TMEM161B: variants seen among roughly 807,000 people sequenced by gnomAD.
TMEM161B encodes transmembrane protein 161B.
A neutral mutation model predicts 61.8 loss-of-function variants in TMEM161B; 34 were observed. The ratio of observed to expected loss-of-function variants is 0.55; its 90% CI spans 0.42 to 0.73. The LOEUF (loss-of-function observed/expected upper bound fraction) is 0.73, where lower values mean the gene tolerates loss of function less well. TMEM161B is among the 30% of genes least tolerant of loss of function. The pLI is 0.00. For synonymous variants in TMEM161B, 167 were observed against 192.8 expected, an observed-to-expected ratio of 0.87 and a Z score of 1.11; for missense variants, 456 against 558.5, an observed-to-expected ratio of 0.82 and a Z score of 1.85.
chr5:88,188,051 T>C (rs1332056750), downstream of TMEM161B, among the ~76,000 whole-genome samples: 1 of 152,188 alleles, frequency 6.6e-6, no homozygotes, highest in Non-Finnish European at 1.5e-5. Context: ...CTCTTTCTTA[T>C]CATTTCTAGC....
intron 10 of TMEM161B, 34 bp from the exon 11 acceptor site, chr5:88,197,799 A>T: frequency 6.4e-7 from 1 of 1,564,222 alleles, no homozygotes; most frequent in Non-Finnish European, 8.8e-7. Context: ...TGTCTAATGC[A>T]ACTGACATGT....
At chr5:88,262,931 C>T (rs1755865011) in intron 1 of TMEM161B, among the ~76,000 whole-genome samples, 1 of 152,004 alleles carries the variant, frequency 6.6e-6, no homozygotes, top group South Asian at 2.1e-4. Flanking sequence ...TTTAATGCAA[C>T]ACAAAAATAA....
chr5:88,197,364 T>A (rs1357288166), intron 11 of TMEM161B, among the ~76,000 whole-genome samples: 1 of 152,164 alleles, frequency 6.6e-6, no homozygotes, highest in African/African-American at 2.4e-5. Flanking sequence ...CCTTAAATCA[T>A]CCTCTTATAA....
At chr5:88,235,097 A>G (rs1246010744) in intron 2 of TMEM161B, among the ~76,000 whole-genome samples, 3 of 152,228 alleles carry the variant, frequency 2.0e-5, no homozygotes, top group African/African-American at 7.2e-5. Context: ...CTAATATAAA[A>G]TATTATCAGA....
intron 4 of TMEM161B, among the ~76,000 whole-genome samples, chr5:88,223,900 A>C (rs1265685007): frequency 6.6e-6 from 1 of 152,094 alleles, no homozygotes. Flanking sequence ...AAAAAAATAA[A>C]AAAAAAAAAC....
chr5:88,191,626 T>C (rs1748863980), downstream of TMEM161B, among the ~76,000 whole-genome samples: 1 of 152,114 alleles, frequency 6.6e-6, no homozygotes, highest in African/African-American at 2.4e-5. Context: ...AGCTGTATGT[T>C]TTTCTCATAA....
intron 5 of TMEM161B, among the ~76,000 whole-genome samples, chr5:88,216,301 T>TA (rs956575555): frequency 2.0e-5 from 3 of 151,970 alleles, no homozygotes; most frequent in Admixed American, 6.6e-5. Flanking sequence ...CACTGAAATC[T>TA]AAAAAAAAGT....
chr5:88,228,598 A>G lies in TMEM161B; in HGVS notation c.108-70T>C, dbSNP rs1267985288. 6 of 1,122,870 alleles carry G rather than the reference A, an allele frequency of 5.3e-6. No homozygotes were observed. In the African/African-American group the frequency reaches 8.0e-5, roughly 15 times the overall value. The allele number at this position is 1,122,870 out of a possible 1,614,324, so 69.6% of individuals were successfully genotyped here. On this transcript the variant is annotated intron_variant, in intron 2 of 11. Coordinates refer to ENST00000296595, the MANE Select transcript of TMEM161B (RefSeq NM_153354.5). ...CAGAATTATTCTTCATCCTATAAATATTTATTAAGTTTCATATTTGTGAAG... is the reference window on the plus strand; with the variant it reads ...CAGAATTATTCTTCATCCTATAAATGTTTATTAAGTTTCATATTTGTGAAG...
chr5:88,230,991 G>A (rs370450040), intron 2 of TMEM161B, among the ~76,000 whole-genome samples: 2 of 151,954 alleles, frequency 1.3e-5, no homozygotes, highest in Admixed American at 6.6e-5. Context: ...AATCAATTTC[G>A]TATCAATGAC....
intron 2 of TMEM161B, among the ~76,000 whole-genome samples, chr5:88,235,883 T>C (rs974219778): frequency 6.6e-6 from 1 of 152,206 alleles, no homozygotes; most frequent in African/African-American, 2.4e-5. Context: ...ACACATTATA[T>C]ACACTTGTTA....
intron 3 of TMEM161B, among the ~76,000 whole-genome samples, chr5:88,226,858 T>C (rs1750136284): frequency 6.6e-6 from 1 of 152,202 alleles, no homozygotes. Flanking sequence ...GGCTCGCACC[T>C]GTAATTCCAA....
rs1308073183 is a variant in TMEM161B, at chr5:88,228,447, A to C, written c.189T>G (p.Asp63Glu). ...GKQQKGKTKK[D>E]RKYNGHIESK... ...TTTACAAGCTCAATAAAACTTACCTATCTTTTTTGGTTTTCCCTTTTTGTT... is the reference window on the plus strand; with the variant it reads ...TTTACAAGCTCAATAAAACTTACCTCTCTTTTTTGGTTTTCCCTTTTTGTT... The change falls in exon 3 of 12, where the codon GAT becomes GAG. Residue 63 changes from aspartate (D) to glutamate (E), a missense_variant and splice_region_variant. By Grantham distance (45) the Asp-to-Glu change is conservative. Around this residue, in one of 3 missense-constraint regions of TMEM161B, gnomAD observed 85 missense variants for 111.2 expected, o/e 0.76. Coordinates refer to ENST00000296595, the MANE Select transcript of TMEM161B (RefSeq NM_153354.5). 6.3e-7 allele frequency: 1 copy of C among 1,600,000 alleles called. No homozygotes were observed. The highest frequency in any genetic ancestry group is 1.1e-5 in the South Asian group (1 of 88,010).
chr5:88,207,181 C>T lies in TMEM161B; in HGVS notation c.447-1G>A. 6.2e-7 allele frequency: 1 copy of T among 1,602,220 alleles called. No individual in the cohort carries two copies. Among genetic ancestry groups the T allele is most frequent in the Non-Finnish European group, 8.5e-7 (1 of 1,176,392 alleles). ...TGTAGTTAATGAAAATAGAACTTTG[C>T]TGCAGAAGGAAAAGTTCAGGAAAAA... On this transcript the variant is annotated splice_acceptor_variant, in intron 5 of 11. Coordinates refer to ENST00000296595, the MANE Select transcript of TMEM161B (RefSeq NM_153354.5). LOFTEE classifies it high-confidence loss of function.
intron 1 of TMEM161B, among the ~76,000 whole-genome samples, chr5:88,251,804 A>T (rs890553784): frequency 6.6e-6 from 1 of 152,160 alleles, no homozygotes; most frequent in Non-Finnish European, 1.5e-5. Context: ...TAACAAGAAC[A>T]TGCTGTCTAT....
downstream of TMEM161B, among the ~76,000 whole-genome samples, chr5:88,188,279 ATTTTT>A (rs35094128): frequency 1.4e-5 from 2 of 143,444 alleles, no homozygotes; most frequent in South Asian, 4.5e-4. Flanking sequence ...TAATTTTTGT[ATTTTT>A]TTTTTTTTTT....
chr5:88,207,788 G>A (rs948004019), intron 5 of TMEM161B, among the ~76,000 whole-genome samples: 2 of 152,126 alleles, frequency 1.3e-5, no homozygotes, highest in Non-Finnish European at 2.9e-5. Flanking sequence ...TTAAATCAGT[G>A]CATGGCCCAA....
At chr5:88,229,401 T>C (rs1011760099) in intron 2 of TMEM161B, among the ~76,000 whole-genome samples, 19 of 152,078 alleles carry the variant, frequency 1.2e-4, no homozygotes, top group Admixed American at 3.9e-4. Flanking sequence ...AACATCTGAC[T>C]ACTGCAAAAT....
At chr5:88,221,072 G>A (rs1437299369) in intron 4 of TMEM161B, among the ~76,000 whole-genome samples, 3 of 152,104 alleles carry the variant, frequency 2.0e-5, no homozygotes, top group Admixed American at 2.0e-4. Context: ...TAAATATCTA[G>A]CTATGATACC....
chr5:88,202,818 A>C, intron 9 of TMEM161B, 144 bp downstream of exon 9: 2 of 692,910 alleles, frequency 2.9e-6, no homozygotes, highest in South Asian at 3.3e-5. Flanking sequence ...TGTAGTTTCA[A>C]TTTTCTAACA....
Sources: allele counts gnomAD v4.1 joint callset (sites outside exome capture counted in the v4.1 genomes callset), GRCh38; gene constraint gnomAD v4.1.1; regional missense constraint gnomAD v4.1.1; transcripts MANE v1.5; gene names NCBI Gene and HGNC (gene_info 2026-07-23, HGNC 2026-07-21).